The following SLCO6A1 variants were observed in gnomAD, a reference collection of about 807,000 sequenced individuals.
The protein encoded by SLCO6A1 is cancer/testis antigen 48.
SLCO6A1 carries 65 observed loss-of-function variants against 72.7 expected under a neutral mutation model. The observed-to-expected ratio is 0.89, with a 90% CI of 0.73 to 1.10. The LOEUF is 1.10. Ranked by LOEUF, SLCO6A1 falls within the 50% of genes least tolerant of loss-of-function variation. SLCO6A1 has a pLI of 0.00. For synonymous variants in SLCO6A1, 314 were observed against 298.2 expected (o/e 1.05, Z -0.55); for missense variants, 874 against 872.6 (o/e 1.00, Z -0.02).
chr5:102,390,281 AG>A (rs2112518000), intron 11 of SLCO6A1, among the ~76,000 whole-genome samples: 1 of 152,256 alleles, frequency 6.6e-6, no homozygotes, highest in East Asian at 1.9e-4. Context: ...TCTCTTACCT[AG>A]TGAATCATTG....
At chr5:102,473,274 C>T (rs542688356) in intron 4 of SLCO6A1, among the ~76,000 whole-genome samples, 1 of 151,980 alleles carries the variant, frequency 6.6e-6, no homozygotes, top group Non-Finnish European at 1.5e-5. Flanking sequence ...GAATATACAT[C>T]ATAATCAAGT....
intron 1 of SLCO6A1, among the ~76,000 whole-genome samples, chr5:102,494,988 C>T (rs1440309700): frequency 6.6e-6 from 1 of 152,088 alleles, no homozygotes; most frequent in Non-Finnish European, 1.5e-5. Context: ...AATATAGAAA[C>T]AACGCAAATG....
Position 102,412,338 on chromosome 5 carries a change from A to ATATC in SLCO6A1, c.1626+648_1626+651dup, listed in dbSNP as rs575151991. The stretch of plus-strand genomic sequence containing the variant: ...AAGGTGTCACAGGCCATGGTCACTC[A>ATATC]TATCTGGCTGAGAATAAGTCTCTTC... On this transcript the variant is annotated intron_variant, in intron 9 of 13. Coordinates refer to ENST00000506729, the MANE Select transcript of SLCO6A1 (RefSeq NM_173488.5). Among the ~76,000 whole-genome samples the ATATC allele has an allele frequency of 1.4e-4, 21 of 152,258 alleles. No individual in the cohort carries two copies. The East Asian group carries it at 4.1e-3, about 29-fold the overall frequency.
intron 6 of SLCO6A1, among the ~76,000 whole-genome samples, chr5:102,439,531 A>G (rs1370036869): frequency 6.6e-6 from 1 of 152,100 alleles, no homozygotes; most frequent in Non-Finnish European, 1.5e-5. Context: ...ATAGTCTGCA[A>G]ACTCAACTAG....
intron 2 of SLCO6A1, among the ~76,000 whole-genome samples, chr5:102,479,061 T>C (rs1002343027): frequency 2.0e-5 from 3 of 152,212 alleles, no homozygotes; most frequent in Non-Finnish European, 4.4e-5. Context: ...GTTTTGGCTC[T>C]GTGTCCCCAC....
chr5:102,442,133 A>T (rs1749868692), intron 6 of SLCO6A1, among the ~76,000 whole-genome samples: 1 of 152,218 alleles, frequency 6.6e-6, no homozygotes, highest in Admixed American at 6.5e-5. Context: ...CTAGTTTTTA[A>T]TCTTGGCCCT....
intron 11 of SLCO6A1, 93 bp from the exon 12 acceptor site, chr5:102,388,918 T>C (rs749085603): frequency 2.3e-5 from 25 of 1,105,688 alleles, no homozygotes; most frequent in Non-Finnish European, 3.0e-5. Context: ...GAATGACGAC[T>C]CATCATTCAA....
At chr5:102,389,502 G>A (rs946807441) in intron 11 of SLCO6A1, among the ~76,000 whole-genome samples, 2 of 124,086 alleles carry the variant, frequency 1.6e-5, no homozygotes, top group Admixed American at 1.1e-4. Flanking sequence ...CAGATTCTCA[G>A]AACTAAAAAC....
chr5:102,411,249 A>ATGTG (rs71226935), intron 9 of SLCO6A1, among the ~76,000 whole-genome samples: 5 of 149,828 alleles, frequency 3.3e-5, no homozygotes, highest in Non-Finnish European at 7.4e-5. Flanking sequence ...TTGTGTGTGT[A>ATGTG]TGTGTGTGTG....
chr5:102,413,422 A>G (rs1452068), intron 8 of SLCO6A1, among the ~76,000 whole-genome samples: 4,136 of 149,832 alleles, frequency 0.028, 175 homozygotes, highest in African/African-American at 0.095. Context: ...AAAAAAAAAA[A>G]CCCAAAAGTT....
intron 1 of SLCO6A1, among the ~76,000 whole-genome samples, chr5:102,486,107 T>A (rs191331612): frequency 1.9e-3 from 294 of 152,348 alleles, no homozygotes; most frequent in Non-Finnish European, 3.8e-3. Context: ...TTACTTTGTT[T>A]CACCAAATTT....
intron 4 of SLCO6A1, among the ~76,000 whole-genome samples, chr5:102,473,067 A>C (rs915330866): frequency 1.3e-5 from 2 of 152,036 alleles, no homozygotes; most frequent in Non-Finnish European, 2.9e-5. Context: ...AGAATTAACA[A>C]TAATCCTTCT....
At chr5:102,434,274 A>C (rs552471127) in intron 7 of SLCO6A1, among the ~76,000 whole-genome samples, 6 of 152,208 alleles carry the variant, frequency 3.9e-5, no homozygotes, top group African/African-American at 1.4e-4. Context: ...GAAGACAGAG[A>C]GAGTGTCCCC....
At chr5:102,375,732 T>A (rs569964152) in intron 12 of SLCO6A1, among the ~76,000 whole-genome samples, 72 of 152,110 alleles carry the variant, frequency 4.7e-4, no homozygotes, top group South Asian at 8.3e-4. Flanking sequence ...CAAAATGAAC[T>A]TCGTAAAATA....
chr5:102,375,639 A>G (rs931713146), intron 12 of SLCO6A1, among the ~76,000 whole-genome samples: 3 of 152,188 alleles, frequency 2.0e-5, no homozygotes, highest in Admixed American at 6.6e-5. Flanking sequence ...ATGGTGAAAC[A>G]TATTTATGTT....
At chr5:102,382,617 C>A (rs1746170647) in intron 12 of SLCO6A1, among the ~76,000 whole-genome samples, 1 of 151,420 alleles carries the variant, frequency 6.6e-6, no homozygotes, top group Non-Finnish European at 1.5e-5. Flanking sequence ...AATCTATGAA[C>A]ATAGGATATT....
chr5:102,459,734 AC>A lies in SLCO6A1; in HGVS notation c.942del (p.Trp314CysfsTer16), dbSNP rs745896250. The A allele has an allele frequency of 1.9e-6, 3 of 1,610,648 alleles. No individual in the cohort carries two copies. In the South Asian group the frequency reaches 3.3e-5, roughly 18 times the overall value. ...ACAGCGGCAAAAAGAAAATTAATCC[AC>A]CAAGTCCATAGCCATTCTGGACTAC... Reference protein sequence around the residue: ...NNGSPEWLWTWWINFLFAAVV... With the variant: ...NNGSPEWLWTXWINFLFAAVV... On this transcript the variant is annotated frameshift_variant, in exon 5 of 14. Coordinates refer to ENST00000506729, the MANE Select transcript of SLCO6A1 (RefSeq NM_173488.5). LOFTEE classifies it high-confidence loss of function.
At chr5:102,389,529 C>G (rs1746628626) in intron 11 of SLCO6A1, among the ~76,000 whole-genome samples, 1 of 144,142 alleles carries the variant, frequency 6.9e-6, no homozygotes, top group Non-Finnish European at 1.5e-5. Context: ...GGTGGATCAT[C>G]TTTCTTGACC....
chr5:102,465,800 C>G (rs1246730878), intron 4 of SLCO6A1, among the ~76,000 whole-genome samples: 1 of 152,076 alleles, frequency 6.6e-6, no homozygotes, highest in African/African-American at 2.4e-5. Context: ...CCCAAACTAT[C>G]ATTCCTATAA....
Sources: gnomAD v4.1 joint callset for allele counts (sites outside exome capture counted in the v4.1 genomes callset) on GRCh38, gnomAD v4.1.1 for gene constraint, MANE v1.5 for transcripts, NCBI Gene and HGNC (gene_info 2026-07-23, HGNC 2026-07-21) for gene names.